RASSF2: variants seen among roughly 807,000 people sequenced by gnomAD.
RASSF2 encodes the protein ras association domain-containing protein 2.
Under a neutral mutation model 46.3 loss-of-function variants are expected in RASSF2, and 34 were observed. The ratio of observed to expected loss-of-function variants is 0.73; its 90% CI spans 0.56 to 0.98. The LOEUF (loss-of-function observed/expected upper bound fraction) is 0.98, where lower values mean the gene tolerates loss of function less well. Ranked by LOEUF, RASSF2 falls within the 50% of genes least tolerant of loss-of-function variation. The pLI, the probability that RASSF2 is intolerant of heterozygous loss-of-function variation, is 0.00. For missense variants in RASSF2, 364 were observed against 431.2 expected (o/e 0.84, Z 1.38); for synonymous variants, 158 against 162.5 (o/e 0.97, Z 0.21).
chr20:4,815,676 G>A (rs971307755), intron 2 of RASSF2, among the ~76,000 whole-genome samples: 1 of 152,224 alleles, frequency 6.6e-6, no homozygotes, highest in Admixed American at 6.5e-5. Context: ...AAGTCATGGC[G>A]AATCGTGAGC....
At chr20:4,809,830 T>C (rs1927629345) in intron 2 of RASSF2, among the ~76,000 whole-genome samples, 1 of 152,144 alleles carries the variant, frequency 6.6e-6, no homozygotes, top group Non-Finnish European at 1.5e-5. Context: ...GCTGATCCCC[T>C]GGGGAGCTCT....
chr20:4,798,849 A>AAAC (rs1926621799), intron 3 of RASSF2, among the ~76,000 whole-genome samples: 1 of 128,512 alleles, frequency 7.8e-6, no homozygotes, highest in African/African-American at 3.5e-5. Context: ...AACAAACAAA[A>AAAC]AAAAAAAAAC....
At chr20:4,796,554 C>T (rs1283017201) in intron 4 of RASSF2, among the ~76,000 whole-genome samples, 1 of 152,154 alleles carries the variant, frequency 6.6e-6, no homozygotes, top group African/African-American at 2.4e-5. Flanking sequence ...GCAGAATGTC[C>T]CAGGTTCTGT....
rs771667641 is a variant in RASSF2 at position 4,786,201 on chromosome 20, T to C, written c.911+30A>G. ...CCCTCTGTTGAGGCCCCAGGAGAAG[T>C]GCACCCAGTGCCCCAGAAGCCACAC... On this transcript the variant is annotated intron_variant, in intron 11 of 11. Transcript: ENST00000379400. 24 of 1,546,962 alleles carry C rather than the reference T, an allele frequency of 1.6e-5. No homozygotes were observed. The Admixed American group carries it at 3.7e-4, about 24-fold the overall frequency.
At chr20:4,806,064 A>G (rs2423018) in intron 2 of RASSF2, among the ~76,000 whole-genome samples, 112,181 of 152,064 alleles carry the variant, frequency 0.74, 42,797 homozygotes, top group East Asian at 0.86. Context: ...GGTGAAGGGG[A>G]CAGGGCCTAG....
rs536492578 is a variant in RASSF2, at chr20:4,821,386, G to A, written c.-33+943C>T. On this transcript the variant is annotated intron_variant, in intron 2 of 11. Transcript: ENST00000379400. ...GGCTGCAGATACAGCAGATGTGGGC[G>A]CAGCCCCAGTTGGCCAGATATGGAG... Among the ~76,000 whole-genome samples, 6 of 152,232 alleles carry A rather than the reference G, an allele frequency of 3.9e-5. No individual in the cohort carries two copies. The South Asian group carries it at 6.2e-4, about 16-fold the overall frequency.
Position 4,801,013 on chromosome 20 carries a change from T to C in RASSF2, c.18A>G (p.Gln6=), listed in dbSNP as rs1389466346. The change falls in exon 3 of 12, where the codon CAA becomes CAG. Residue 6 remains glutamine, a synonymous_variant. Coordinates refer to ENST00000379400, the MANE Select transcript of RASSF2 (RefSeq NM_014737.3). MDYSH[Q]TSLVPCGQDK... ...CTTGTCCACATGGGACTAGGGACGTTTGGTGGCTGTAGTCCATTCTTCCTT... is the reference window on the plus strand; with the variant it reads ...CTTGTCCACATGGGACTAGGGACGTCTGGTGGCTGTAGTCCATTCTTCCTT... 1 of 1,613,724 alleles carries C rather than the reference T, an allele frequency of 6.2e-7. No homozygotes were observed. Among genetic ancestry groups the C allele is most frequent in the Non-Finnish European group, 8.5e-7 (1 of 1,179,726 alleles).
In RASSF2 at chr20:4,780,933, C is replaced by G. The variant is rs1924749002; in HGVS notation, c.*3340G>C. ...GCAGTGAGCTGAGATCCCACCACTG[C>G]ACTCCAGCCTGGGAAACAGAACCAG... is the stretch of plus-strand genomic sequence containing the variant. On this transcript the variant is annotated 3_prime_UTR_variant, in exon 12 of 12. Coordinates refer to ENST00000379400, the MANE Select transcript of RASSF2 (RefSeq NM_014737.3). 2 of 150,408 alleles carry G rather than the reference C, an allele frequency of 1.3e-5. No individual in the cohort carries two copies. The highest frequency in any genetic ancestry group is 1.3e-4 in the Admixed American group (2 of 15,104). 9.3% of individuals were successfully genotyped at this position (150,408 alleles called of 1,614,324 possible).
At position 4,783,409 on chromosome 20, in the gene RASSF2, C is replaced by T. The variant is rs1030634186; in HGVS notation, c.*864G>A. On this transcript the variant is annotated 3_prime_UTR_variant, in exon 12 of 12. Transcript: ENST00000379400. Reference sequence around the variant, plus strand: ...CCAGCGAGATCTTTGTTTCTTGAGACATTTCCTTCCACTCAAGGAAGCGCC... The same window carrying T: ...CCAGCGAGATCTTTGTTTCTTGAGATATTTCCTTCCACTCAAGGAAGCGCC... The T allele has an allele frequency of 6.6e-6, 1 of 152,502 alleles. No homozygotes were observed. Among genetic ancestry groups the T allele is most frequent in the African/African-American group, 2.4e-5 (1 of 41,584 alleles). 9.4% of individuals were successfully genotyped at this position (152,502 alleles called of 1,614,324 possible). A position where few individuals can be genotyped will look rare whatever the true frequency, so the allele number is the denominator to read the frequency against.
chr20:4,801,356 A>T (rs1031561816), intron 2 of RASSF2, among the ~76,000 whole-genome samples: 3 of 152,222 alleles, frequency 2.0e-5, no homozygotes, highest in Admixed American at 2.0e-4. Flanking sequence ...GGTTCCAAGG[A>T]TGACTGATGA....
intron 2 of RASSF2, 35 bp from the exon 3 acceptor site, chr20:4,801,097 A>T: frequency 1.3e-6 from 2 of 1,560,754 alleles, no homozygotes; most frequent in Non-Finnish European, 1.8e-6. Flanking sequence ...GGTTAAAGTC[A>T]AGTTGTGTGC....
intron 2 of RASSF2, among the ~76,000 whole-genome samples, chr20:4,819,462 C>T (rs1213612160): frequency 2.0e-5 from 3 of 152,104 alleles, no homozygotes; most frequent in Non-Finnish European, 4.4e-5. Flanking sequence ...AATTGAGATT[C>T]GGTCCTGCAA....
At chr20:4,796,632 T>C (rs990584904) in intron 4 of RASSF2, among the ~76,000 whole-genome samples, 2 of 152,220 alleles carry the variant, frequency 1.3e-5, no homozygotes, top group Non-Finnish European at 1.5e-5. Flanking sequence ...CCCCAATTTA[T>C]ACTCAAAGGT....
At chr20:4,822,928 TCA>T (rs942528310) in intron 1 of RASSF2, among the ~76,000 whole-genome samples, 13 of 151,918 alleles carry the variant, frequency 8.6e-5, no homozygotes, top group African/African-American at 2.9e-4. Context: ...CCAGGAAGTC[TCA>T]GAGACCCCGG....
rs944380801 is a variant in RASSF2 at position 4,801,070 on chromosome 20, T to C, written c.-32-8A>G. On this transcript the variant is annotated splice_region_variant and splice_polypyrimidine_tract_variant and intron_variant, in intron 2 of 11. Transcript: ENST00000379400. The stretch of plus-strand genomic sequence containing the variant: ...TTCATCGGAAGGAGAGGCCTACATT[T>C]GGAAGGAGAAGACAGAGGTTAAAGT... 10 of 1,607,914 alleles carry C rather than the reference T, an allele frequency of 6.2e-6. No individual in the cohort carries two copies. Among genetic ancestry groups the C allele is most frequent in the Non-Finnish European group, 7.7e-6 (9 of 1,174,640 alleles).
chr20:4,808,465 A>G (rs1437172955), intron 2 of RASSF2, among the ~76,000 whole-genome samples: 3 of 150,314 alleles, frequency 2.0e-5, no homozygotes, highest in Non-Finnish European at 4.4e-5. Flanking sequence ...ACAAGAAAGA[A>G]AGGGCAAATT....
intron 2 of RASSF2, among the ~76,000 whole-genome samples, chr20:4,808,681 T>C (rs1226112762): frequency 1.3e-5 from 2 of 152,042 alleles, no homozygotes; most frequent in African/African-American, 4.8e-5. Context: ...AGATGGAGTC[T>C]CACTATGTTG....
chr20:4,801,730 A>ATTTGT (rs1203499793), intron 2 of RASSF2, among the ~76,000 whole-genome samples: 4 of 151,932 alleles, frequency 2.6e-5, no homozygotes, highest in South Asian at 2.1e-4. Flanking sequence ...CACTATTACC[A>ATTTGT]TTTGTTTTGT....
At position 4,784,245 on chromosome 20, in the gene RASSF2, G is replaced by T; in HGVS notation, c.*28C>A. The T allele has an allele frequency of 6.3e-7, 1 of 1,598,982 alleles. No homozygotes were observed. The highest frequency in any genetic ancestry group is 8.6e-7 in the Non-Finnish European group (1 of 1,166,302). ...TCTTATGGGCAATGGCGGTTCCTGG[G>T]GTGCCCAGATCCCCTCGTTCTCATG... On this transcript the variant is annotated 3_prime_UTR_variant, in exon 12 of 12. Coordinates refer to ENST00000379400, the MANE Select transcript of RASSF2 (RefSeq NM_014737.3).
Sources: gnomAD v4.1 joint callset for allele counts (sites outside exome capture counted in the v4.1 genomes callset) on GRCh38, gnomAD v4.1.1 for gene constraint, MANE v1.5 for transcripts, NCBI Gene and HGNC (gene_info 2026-07-23, HGNC 2026-07-21) for gene names.